Variants in PHLDB2 observed in about 807,000 individuals in gnomAD.
PHLDB2 encodes the protein pleckstrin homology-like domain family B member 2.
PHLDB2 carries 71 observed loss-of-function variants against 123.6 expected under a neutral mutation model. The observed-to-expected ratio is 0.57, with a 90% CI of 0.47 to 0.70. The LOEUF (loss-of-function observed/expected upper bound fraction) is 0.70, where lower values mean the gene tolerates loss of function less well. PHLDB2 is among the 30% of genes least tolerant of loss of function. The pLI is 0.00. For missense variants in PHLDB2, 1,446 were observed against 1,519.5 expected, an observed-to-expected ratio of 0.95 and a Z score of 0.80; for synonymous variants, 547 against 541.6, an observed-to-expected ratio of 1.01 and a Z score of -0.14.
intron 2 of PHLDB2, among the ~76,000 whole-genome samples, chr3:111,847,677 G>GAA (rs1236550588): frequency 6.6e-6 from 1 of 151,194 alleles, no homozygotes; most frequent in African/African-American, 2.4e-5. Flanking sequence ...TTCCTTGGGA[G>GAA]AGCCTTACTT....
chr3:111,761,488 C>T (rs991885308), intron 1 of PHLDB2, among the ~76,000 whole-genome samples: 1 of 152,184 alleles, frequency 6.6e-6, no homozygotes, highest in Non-Finnish European at 1.5e-5. Context: ...ATCCTTCATC[C>T]TAAAAAGGCA....
upstream of PHLDB2, chr3:111,859,107 T>C (rs2064654461): frequency 2.1e-6 from 2 of 931,082 alleles, no homozygotes; most frequent in African/African-American, 3.5e-5. Context: ...CTGACGCAGC[T>C]GGTAAACTTG....
rs2069186975 is a variant in PHLDB2, at chr3:111,932,202, G to A, written c.2002-67G>A. 5 of 1,491,056 alleles carry A rather than the reference G, an allele frequency of 3.4e-6. 1 individual carries two copies. The highest frequency in any genetic ancestry group is 2.5e-5 in the South Asian group (2 of 78,806). The allele number at this position is 1,491,056 out of a possible 1,614,324, so 92.4% of individuals were successfully genotyped here. On this transcript the variant is annotated intron_variant, in intron 5 of 17. Transcript: ENST00000431670. ...TTTGTTTATGTTATCCTTGAGAAAT[G>A]TTCACTAGCACCTGCTTGGGGGTGT...
At chr3:111,955,284 A>T (rs1250915677) in intron 12 of PHLDB2, among the ~76,000 whole-genome samples, 1 of 151,664 alleles carries the variant, frequency 6.6e-6, no homozygotes, top group Admixed American at 6.6e-5. Context: ...GAATCAAATA[A>T]ACTGATTGAA....
chr3:111,799,695 A>C (rs562421807), intron 1 of PHLDB2, among the ~76,000 whole-genome samples: 2 of 152,332 alleles, frequency 1.3e-5, no homozygotes, highest in East Asian at 3.9e-4. Context: ...GGAAATTTAT[A>C]CTGTGAATAT....
Position 111,885,057 on chromosome 3 carries a change from C to T in PHLDB2, c.980C>T (p.Ser327Phe), listed in dbSNP as rs1559885581. 1.2e-6 allele frequency: 2 copies of T among 1,614,194 alleles called. No homozygotes were observed. Among genetic ancestry groups the T allele is most frequent in the Non-Finnish European group, 1.7e-6 (2 of 1,180,036 alleles). ...TCTGAAGGCAATCCTTATGTAAGTTCTACCCTCAGTGTCCCTGCCAGTCCA... is the reference window on the plus strand; with the variant it reads ...TCTGAAGGCAATCCTTATGTAAGTTTTACCCTCAGTGTCCCTGCCAGTCCA... The part of the protein sequence containing the change: ...SASEGNPYVS[S>F]TLSVPASPRV... The change falls in exon 2 of 18, where the codon TCT becomes TTT. Residue 327 changes from serine to phenylalanine, a missense_variant. Physicochemically the swap from Ser to Phe is radical, Grantham distance 155. Coordinates refer to ENST00000431670, the MANE Select transcript of PHLDB2 (RefSeq NM_001134438.2).
At chr3:111,935,522 G>GATAA (rs1252327812) in intron 6 of PHLDB2, among the ~76,000 whole-genome samples, 1 of 151,744 alleles carries the variant, frequency 6.6e-6, no homozygotes, top group Non-Finnish European at 1.5e-5. Context: ...TAGATAGATA[G>GATAA]ATAGATAGAT....
At chr3:111,799,059 A>G (rs1310396871) in intron 1 of PHLDB2, among the ~76,000 whole-genome samples, 3 of 152,240 alleles carry the variant, frequency 2.0e-5, no homozygotes, top group East Asian at 1.9e-4. Flanking sequence ...ATAAGAGCCA[A>G]GTGAAGCAGG....
At chr3:111,767,615 C>T (rs746242875) in intron 1 of PHLDB2, among the ~76,000 whole-genome samples, 5 of 152,146 alleles carry the variant, frequency 3.3e-5, no homozygotes, top group Non-Finnish European at 5.9e-5. Flanking sequence ...CCACATTTAG[C>T]TATGAAATTA....
Position 111,834,004 on chromosome 3 carries a change from TAATATATGTAATAGA to T in PHLDB2, c.-48-11815_-48-11801del, listed in dbSNP as rs1559857687. 7.6e-4 allele frequency among the ~76,000 whole-genome samples: 86 copies of T among 113,292 alleles called. 40 individuals are homozygous for T. The highest frequency in any genetic ancestry group is 2.9e-3 in the African/African-American group (77 of 26,266). 74.3% of individuals were successfully genotyped at this position (113,292 alleles called of 152,430 possible). A position where few individuals can be genotyped will look rare whatever the true frequency, so the allele number is the denominator to read the frequency against. Reference sequence around the variant, plus strand: ...ATAATATATGTAATAGAATTATATATAATATATGTAATAGAATTATATATATAATATATGTAATAG... The same window carrying T: ...ATAATATATGTAATAGAATTATATATATTATATATATAATATATGTAATAG... On this transcript the variant is annotated intron_variant, in intron 1 of 17. Transcript: ENST00000393923.
intron 1 of PHLDB2, among the ~76,000 whole-genome samples, chr3:111,876,545 T>C (rs997050735): frequency 6.6e-6 from 1 of 152,210 alleles, no homozygotes; most frequent in Non-Finnish European, 1.5e-5. Flanking sequence ...GTTATTAAGA[T>C]GTTCATAACG....
intron 2 of PHLDB2, among the ~76,000 whole-genome samples, chr3:111,896,496 G>T (rs2066877670): frequency 6.6e-6 from 1 of 152,012 alleles, no homozygotes; most frequent in Non-Finnish European, 1.5e-5. Flanking sequence ...ACAGGCAGCT[G>T]CCACCATACC....
At chr3:111,805,187 A>G (rs1412747767) in intron 1 of PHLDB2, among the ~76,000 whole-genome samples, 1 of 152,210 alleles carries the variant, frequency 6.6e-6, no homozygotes, top group East Asian at 1.9e-4. Context: ...TTGTACATAA[A>G]TGTTTATAGC....
intron 2 of PHLDB2, among the ~76,000 whole-genome samples, chr3:111,895,803 C>T (rs1395844029): frequency 4.0e-5 from 6 of 151,854 alleles, no homozygotes; most frequent in Non-Finnish European, 4.4e-5. Flanking sequence ...GAGCCGAGAT[C>T]GAGCCATTGC....
Position 111,913,379 on chromosome 3 carries a change from C to G in PHLDB2, c.1396C>G (p.Arg466Gly). 1 of 1,613,668 alleles carries G rather than the reference C, an allele frequency of 6.2e-7. No homozygotes were observed. The highest frequency in any genetic ancestry group is 8.5e-7 in the Non-Finnish European group (1 of 1,179,792). Reference sequence around the variant, plus strand: ...TGCTGAATACACAAAGCCTGACAGTCGCTTATCTACTGGGACCACCGTGGA... The same window carrying G: ...TGCTGAATACACAAAGCCTGACAGTGGCTTATCTACTGGGACCACCGTGGA... ...LCAEYTKPDS[R>G]LSTGTTVEDV... Residue 466 changes from arginine (R) to glycine (G), a missense_variant, in exon 3 of 18, where the codon CGC becomes GGC. Around this residue, in one of 3 missense-constraint regions of PHLDB2, gnomAD observed 832 missense variants for 831.9 expected, o/e 1.00. Transcript: ENST00000431670.
At chr3:111,876,687 A>AT (rs971377332) in intron 1 of PHLDB2, among the ~76,000 whole-genome samples, 83 of 152,128 alleles carry the variant, frequency 5.5e-4, no homozygotes, top group African/African-American at 1.9e-3. Flanking sequence ...TGTCATCTAC[A>AT]TTAAGTATTT....
Position 111,911,696 on chromosome 3 carries a change from A to T in PHLDB2, c.1336-1623A>T, listed in dbSNP as rs1275846089. On this transcript the variant is annotated intron_variant, in intron 2 of 17. Transcript: ENST00000431670. ...GCCATGAGGACGGAGCTGCAGCTGG[A>T]GTCCAGAAGTTCAGGCAGTGAAAGG... is the stretch of plus-strand genomic sequence containing the variant. 7 of 1,536,280 alleles carry T rather than the reference A, an allele frequency of 4.6e-6. No homozygotes were observed. In the South Asian group the frequency reaches 7.1e-5, roughly 16 times the overall value.
intron 1 of PHLDB2, among the ~76,000 whole-genome samples, chr3:111,783,833 C>T (rs1260622783): frequency 6.6e-6 from 1 of 152,104 alleles, no homozygotes; most frequent in African/African-American, 2.4e-5. Flanking sequence ...TGAAACACTA[C>T]ATCAGATGAA....
chr3:111,876,654 G>A (rs2065636711), intron 1 of PHLDB2, among the ~76,000 whole-genome samples: 5 of 152,102 alleles, frequency 3.3e-5, no homozygotes, highest in African/African-American at 9.6e-5. Context: ...ACGTGCCATG[G>A]TGGTTTGCTG....
Sources: gnomAD v4.1 joint callset for allele counts (sites outside exome capture counted in the v4.1 genomes callset) on GRCh38, gnomAD v4.1.1 for gene constraint, gnomAD v4.1.1 regional missense constraint, MANE v1.5 for transcripts, NCBI Gene and HGNC (gene_info 2026-07-23, HGNC 2026-07-21) for gene names.